WNK2: variants seen among roughly 807,000 people sequenced by gnomAD.
The protein encoded by WNK2 is WNK lysine deficient protein kinase 2.
Under a neutral mutation model 192.1 loss-of-function variants are expected in WNK2, and 67 were observed. The observed-to-expected ratio is 0.35, with a 90% CI of 0.29 to 0.43. WNK2 has a LOEUF of 0.43. Ranked by LOEUF, WNK2 falls within the 20% of genes least tolerant of loss-of-function variation. The pLI is 1.00. For missense variants in WNK2, 2,698 were observed against 3,089.7 expected (o/e 0.87, Z 3.01); for synonymous variants, 1,439 against 1,393.9 (o/e 1.03, Z -0.72).
At chr9:93,292,132 G>A (rs1849455338) in intron 21 of WNK2, among the ~76,000 whole-genome samples, 176 bp from the exon 22 acceptor site, 1 of 152,148 alleles carries the variant, frequency 6.6e-6, no homozygotes, top group Non-Finnish European at 1.5e-5. Context: ...CAAAACTGCT[G>A]TTTCCAAAAC....
intron 2 of WNK2, among the ~76,000 whole-genome samples, chr9:93,216,399 A>G (rs764852400): frequency 6.6e-6 from 1 of 152,090 alleles, no homozygotes; most frequent in Non-Finnish European, 1.5e-5. Flanking sequence ...TAGTCCCAGC[A>G]TTTTCGGAGG....
chr9:93,260,097 AG>A (rs1843977396), intron 12 of WNK2, among the ~76,000 whole-genome samples: 2 of 152,150 alleles, frequency 1.3e-5, no homozygotes, highest in Non-Finnish European at 1.5e-5. Flanking sequence ...GCTGGCTGCA[AG>A]GGTGGTTATG....
intron 29 of WNK2, chr9:93,318,089 C>A (rs770890316): frequency 6.9e-6 from 11 of 1,595,094 alleles, no homozygotes; most frequent in South Asian, 5.5e-5. Context: ...ATGGTTAGAA[C>A]CTTGTCGTCA....
chr9:93,232,569 C>A (rs539537006), intron 4 of WNK2, among the ~76,000 whole-genome samples: 79 of 152,302 alleles, frequency 5.2e-4, no homozygotes, highest in African/African-American at 1.8e-3. Flanking sequence ...CTTGTGATCT[C>A]CTACTCAGGA....
intron 19 of WNK2, among the ~76,000 whole-genome samples, chr9:93,279,007 C>G (rs2133524759): frequency 6.6e-6 from 1 of 152,260 alleles, no homozygotes; most frequent in Admixed American, 6.5e-5. Flanking sequence ...ATACAAAATC[C>G]TACAGGCAAC....
chr9:93,318,129 A>G, intron 29 of WNK2: 1 of 1,535,356 alleles, frequency 6.5e-7, no homozygotes, highest in Non-Finnish European at 8.7e-7. Context: ...CTTGAATGCC[A>G]GCTTTTCCGT....
intron 11 of WNK2, among the ~76,000 whole-genome samples, chr9:93,258,104 A>T (rs181925131): frequency 6.6e-6 from 1 of 152,314 alleles, no homozygotes; most frequent in African/African-American, 2.4e-5. Context: ...GGTCTAGTGA[A>T]ATCGTTATCT....
chr9:93,200,084 C>T (rs552073537), intron 2 of WNK2, among the ~76,000 whole-genome samples: 1 of 152,052 alleles, frequency 6.6e-6, no homozygotes, highest in Non-Finnish European at 1.5e-5. Flanking sequence ...CTCAGCCTCC[C>T]CTGCCCTAGT....
At chr9:93,318,612 A>C in intron 29 of WNK2, 2 of 1,595,330 alleles carry the variant, frequency 1.3e-6, no homozygotes, top group Non-Finnish European at 1.7e-6. Flanking sequence ...CACCCTGTGG[A>C]GACAAGTGCA....
At chr9:93,234,688 G>A in intron 4 of WNK2, 120 bp from the exon 5 acceptor site, 3 of 1,195,412 alleles carry the variant, frequency 2.5e-6, no homozygotes, top group African/African-American at 1.5e-5. Context: ...TGTTCTGAGT[G>A]TGCCATGGGA....
chr9:93,226,709 G>A (rs1450423203), intron 2 of WNK2, among the ~76,000 whole-genome samples: 1 of 152,186 alleles, frequency 6.6e-6, no homozygotes, highest in East Asian at 1.9e-4. Context: ...TTCACATGAA[G>A]ATGGGGGTCC....
intron 4 of WNK2, among the ~76,000 whole-genome samples, chr9:93,231,603 A>G (rs1207796119): frequency 6.6e-6 from 1 of 152,240 alleles, no homozygotes; most frequent in East Asian, 1.9e-4. Flanking sequence ...GTGAGGCCCA[A>G]GGAAGTGAGA....
At chr9:93,205,328 C>T (rs1833156314) in intron 2 of WNK2, among the ~76,000 whole-genome samples, 1 of 152,224 alleles carries the variant, frequency 6.6e-6, no homozygotes, top group Non-Finnish European at 1.5e-5. Flanking sequence ...CAGCACCAGC[C>T]TTCATGGGGA....
chr9:93,283,407 A>C (rs572983424), intron 19 of WNK2, among the ~76,000 whole-genome samples: 5 of 152,196 alleles, frequency 3.3e-5, no homozygotes, highest in Non-Finnish European at 5.9e-5. Context: ...CCCTGTGATG[A>C]GACTGACTAA....
intron 28 of WNK2, 44 bp from the exon 29 acceptor site, chr9:93,317,476 T>C: frequency 6.2e-7 from 1 of 1,600,282 alleles, no homozygotes; most frequent in African/African-American, 1.3e-5. Context: ...GCCAGCTGAT[T>C]GCAGCCACGT....
At chr9:93,314,722 T>A (rs1472151531) in intron 28 of WNK2, among the ~76,000 whole-genome samples, 1 of 152,064 alleles carries the variant, frequency 6.6e-6, no homozygotes, top group African/African-American at 2.4e-5. Flanking sequence ...CCTTTACAGA[T>A]GTTTCAAAAT....
chr9:93,298,622 A>G (rs1851035050), intron 24 of WNK2, among the ~76,000 whole-genome samples: 1 of 152,172 alleles, frequency 6.6e-6, no homozygotes, highest in Non-Finnish European at 1.5e-5. Flanking sequence ...TTGCTGGTGG[A>G]GAGCCCTGGC....
At chr9:93,269,114 G>A (rs1845660653) in intron 19 of WNK2, among the ~76,000 whole-genome samples, 1 of 152,026 alleles carries the variant, frequency 6.6e-6, no homozygotes. Flanking sequence ...GCCTCTGCTG[G>A]TTCTGCTTGC....
chr9:93,239,979 A>T lies in WNK2; in HGVS notation c.1542+3A>T. On this transcript the variant is annotated splice_donor_region_variant and intron_variant, in intron 7 of 29. Coordinates refer to ENST00000427277, the MANE Select transcript of WNK2 (RefSeq NM_006648.4). This position sits in a 1 kb window ranked among gnomAD's most constrained non-coding sequence, Gnocchi z 4.2. ...CGGATGAGGTGGCCCAAGAGATGGT[A>T]AGCAGGACTCAGATGGGGTGAGGTG... The T allele has an allele frequency of 6.2e-7, 1 of 1,608,396 alleles. No homozygotes were observed. The highest frequency in any genetic ancestry group is 8.5e-7 in the Non-Finnish European group (1 of 1,177,434).
Sources: gnomAD v4.1 joint callset for allele counts (sites outside exome capture counted in the v4.1 genomes callset) on GRCh38, gnomAD v4.1.1 for gene constraint, Gnocchi (gnomAD v3.1) non-coding constraint, MANE v1.5 for transcripts, NCBI Gene and HGNC (gene_info 2026-07-23, HGNC 2026-07-21) for gene names.